SLC26A7: variants seen among roughly 807,000 people sequenced by gnomAD.
SLC26A7 encodes anion exchange transporter.
In SLC26A7, 59 loss-of-function variants were observed where a neutral mutation model predicts 82.5. That is an observed-to-expected ratio of 0.72 (90% CI 0.58 to 0.89). SLC26A7 has a LOEUF of 0.89. SLC26A7 is among the 40% of genes least tolerant of loss of function. SLC26A7 has a pLI of 0.00. For synonymous variants in SLC26A7, 271 were observed against 274.3 expected, an observed-to-expected ratio of 0.99 and a Z score of 0.12; for missense variants, 820 against 793.0, an observed-to-expected ratio of 1.03 and a Z score of -0.41.
chr8:91,349,716 C>T (rs891665268), intron 9 of SLC26A7, among the ~76,000 whole-genome samples: 4 of 152,112 alleles, frequency 2.6e-5, no homozygotes, highest in Non-Finnish European at 5.9e-5. Context: ...AAGTTCATTC[C>T]AGCTCCTAAG....
intron 16 of SLC26A7, among the ~76,000 whole-genome samples, chr8:91,391,726 T>TAGG (rs1814975040): frequency 6.6e-6 from 1 of 152,150 alleles, no homozygotes; most frequent in Non-Finnish European, 1.5e-5. Flanking sequence ...GGTTCTGACC[T>TAGG]AGGAGCTTCA....
At chr8:91,301,234 T>A (rs1812156360) in intron 4 of SLC26A7, among the ~76,000 whole-genome samples, 1 of 152,206 alleles carries the variant, frequency 6.6e-6, no homozygotes, top group Admixed American at 6.5e-5. Context: ...TAAGTCTCAA[T>A]GTTTTACTTT....
intron 4 of SLC26A7, among the ~76,000 whole-genome samples, chr8:91,303,263 T>C (rs367767808): frequency 2.6e-5 from 4 of 152,328 alleles, no homozygotes; most frequent in African/African-American, 9.6e-5. Context: ...AAACCATTGT[T>C]ATCTTCTCCC....
intron 11 of SLC26A7, among the ~76,000 whole-genome samples, chr8:91,354,582 T>C (rs1813809479): frequency 6.6e-6 from 1 of 152,090 alleles, no homozygotes; most frequent in South Asian, 2.1e-4. Flanking sequence ...ATTAGAAAGG[T>C]CACTTGAGTA....
intron 5 of SLC26A7, among the ~76,000 whole-genome samples, chr8:91,332,628 A>G (rs1197221882): frequency 6.6e-6 from 1 of 151,000 alleles, no homozygotes; most frequent in Admixed American, 6.6e-5. Flanking sequence ...CCTGGGCTTA[A>G]GGGATTCCCC....
rs574573921 is a variant in SLC26A7 at position 91,383,529 on chromosome 8, G to T, written c.1676-5809G>T. 1.2e-4 allele frequency among the ~76,000 whole-genome samples: 18 copies of T among 152,294 alleles called. 1 individual carries two copies. The Middle Eastern group carries it at 0.031, about 259-fold the overall frequency. ...CCTAAAAATCGTTTCAGAAGGAAAAGATTTGTAGTTGAGCGCATGATAGAA... is the reference window on the plus strand; with the variant it reads ...CCTAAAAATCGTTTCAGAAGGAAAATATTTGTAGTTGAGCGCATGATAGAA... On this transcript the variant is annotated intron_variant, in intron 15 of 18. Transcript: ENST00000276609.
chr8:91,389,717 T>C (rs1482893488), intron 16 of SLC26A7, among the ~76,000 whole-genome samples: 1 of 152,174 alleles, frequency 6.6e-6, no homozygotes, highest in Non-Finnish European at 1.5e-5. Flanking sequence ...ACAGTGGGCA[T>C]AGGAGCTCCT....
At position 91,279,133 on chromosome 8, in the gene SLC26A7, A is replaced by ATATATATATATATATATG. The variant is rs1554603791; in HGVS notation, c.194-9986_194-9985insGTATATATATATATATAT. ...AGTATGTGTGTGTGTGTGTATATAT[A>ATATATATATATATATATG]TATATATATATATATATATATATAT... On this transcript the variant is annotated intron_variant, in intron 2 of 18. Transcript: ENST00000276609. Among the ~76,000 whole-genome samples, 126 of 41,660 alleles carry ATATATATATATATATATG rather than the reference A, an allele frequency of 3.0e-3. 2 individuals carry two copies. Among genetic ancestry groups the ATATATATATATATATATG allele is most frequent in the African/African-American group, 7.8e-3 (102 of 13,138 alleles). The allele number at this position is 41,660 out of a possible 152,430, so 27.3% of individuals were successfully genotyped here.
At chr8:91,315,361 T>C (rs1028014188) in intron 4 of SLC26A7, among the ~76,000 whole-genome samples, 1 of 151,554 alleles carries the variant, frequency 6.6e-6, no homozygotes, top group Non-Finnish European at 1.5e-5. Context: ...ACTAACTTAC[T>C]AATAGAGAAA....
intron 2 of SLC26A7, among the ~76,000 whole-genome samples, chr8:91,241,021 C>T (rs1048274887): frequency 1.3e-4 from 20 of 152,088 alleles, no homozygotes; most frequent in African/African-American, 4.8e-4. Flanking sequence ...GATTCTTTGA[C>T]ACTTGGACCC....
intron 2 of SLC26A7, among the ~76,000 whole-genome samples, chr8:91,259,867 G>A (rs572278779): frequency 5.1e-4 from 78 of 152,180 alleles, no homozygotes; most frequent in African/African-American, 1.8e-3. Context: ...AATTAAATCA[G>A]AATCTCTGGA....
At chr8:91,302,702 T>C (rs2130786503) in intron 4 of SLC26A7, among the ~76,000 whole-genome samples, 1 of 152,248 alleles carries the variant, frequency 6.6e-6, no homozygotes, top group Non-Finnish European at 1.5e-5. Context: ...TCTTGACCAT[T>C]GTAATCCCAC....
intron 15 of SLC26A7, 62 bp from the exon 16 acceptor site, chr8:91,389,276 C>T: frequency 8.1e-7 from 1 of 1,231,256 alleles, no homozygotes; most frequent in Non-Finnish European, 1.2e-6. Context: ...CACCAGTCAA[C>T]AAAGCCAGCA....
chr8:91,253,541 T>C (rs149341615), intron 2 of SLC26A7, among the ~76,000 whole-genome samples: 227 of 152,290 alleles, frequency 1.5e-3, no homozygotes, highest in African/African-American at 5.1e-3. Flanking sequence ...GCATTGATCC[T>C]GTTCAGAATT....
At chr8:91,247,920 AC>A (rs1442997466), upstream of SLC26A7, among the ~76,000 whole-genome samples, 1 of 152,208 alleles carries the variant, frequency 6.6e-6, no homozygotes, top group Non-Finnish European at 1.5e-5. Context: ...TAAAGGTAAT[AC>A]ATAATCAGTG....
intron 3 of SLC26A7, among the ~76,000 whole-genome samples, chr8:91,293,749 T>C (rs748384539): frequency 2.6e-5 from 4 of 152,214 alleles, no homozygotes; most frequent in Non-Finnish European, 5.9e-5. Flanking sequence ...AAAAATTCTG[T>C]AGTCAATTTG....
At chr8:91,279,968 T>A (rs1023474777) in intron 2 of SLC26A7, among the ~76,000 whole-genome samples, 5 of 152,238 alleles carry the variant, frequency 3.3e-5, no homozygotes, top group Non-Finnish European at 5.9e-5. Flanking sequence ...ATTTTCTTGC[T>A]CTTGAGTTGT....
intron 2 of SLC26A7, among the ~76,000 whole-genome samples, chr8:91,272,918 A>T (rs1309426608): frequency 1.3e-5 from 2 of 152,208 alleles, no homozygotes; most frequent in Admixed American, 6.5e-5. Context: ...AAAATAAAGC[A>T]TGTTATCTGA....
intron 2 of SLC26A7, among the ~76,000 whole-genome samples, chr8:91,240,537 CTTATAA>C (rs1308139931): frequency 6.6e-6 from 1 of 152,100 alleles, no homozygotes; most frequent in Non-Finnish European, 1.5e-5. Flanking sequence ...AAATGAGAAA[CTTATAA>C]TTATTCACTG....
Sources: gnomAD v4.1 joint callset for allele counts (sites outside exome capture counted in the v4.1 genomes callset) on GRCh38, gnomAD v4.1.1 for gene constraint, MANE v1.5 for transcripts, NCBI Gene and HGNC (gene_info 2026-07-23, HGNC 2026-07-21) for gene names.